The following MYO19 variants were observed in gnomAD, a reference collection of about 807,000 sequenced individuals.
MYO19 encodes myosin XIX.
A neutral mutation model predicts 129.2 loss-of-function variants in MYO19; 132 were observed. The observed-to-expected ratio is 1.02, with a 90% CI of 0.89 to 1.18. The LOEUF is 1.18. MYO19 is among the 50% of genes most tolerant of loss of function. The pLI is 0.00. For missense variants in MYO19, 1,210 were observed against 1,216.7 expected (o/e 0.99, Z 0.08); for synonymous variants, 531 against 477.2 (o/e 1.11, Z -1.47).
intron 3 of MYO19, among the ~76,000 whole-genome samples, chr17:36,532,181 C>T (rs143592885): frequency 6.6e-6 from 1 of 152,312 alleles, no homozygotes; most frequent in Non-Finnish European, 1.5e-5. Context: ...TAAGGCTTAG[C>T]TTCAAGGAAC....
intron 6 of MYO19, among the ~76,000 whole-genome samples, chr17:36,518,552 A>G (rs796129939): frequency 3.7e-4 from 29 of 78,922 alleles, no homozygotes; most frequent in East Asian, 3.2e-3. Context: ...ATATATATAT[A>G]TGTGTATGTG....
At chr17:36,521,762 G>T (rs1046561110) in intron 6 of MYO19, among the ~76,000 whole-genome samples, 1 of 152,218 alleles carries the variant, frequency 6.6e-6, no homozygotes, top group Non-Finnish European at 1.5e-5. Context: ...GCCAGGCACA[G>T]TGGCTCATAC....
chr17:36,498,394 C>T lies in MYO19; in HGVS notation c.2629G>A (p.Val877Ile), dbSNP rs760366831. The change falls in exon 25 of 26, where the codon GTA becomes ATA. Residue 877 changes from valine (V) to isoleucine (I), a missense_variant. By Grantham distance (29) the Val-to-Ile change is conservative (BLOSUM62 3). Transcript: ENST00000614623. ...ACTAATTTCCTCTGAAAGCTGCCTACACCCATAGCCGTATTGGCCAGGACC... is the reference window on the plus strand; with the variant it reads ...ACTAATTTCCTCTGAAAGCTGCCTATACCCATAGCCGTATTGGCCAGGACC... ...GLVLANTAMG[V>I]GSFQRKLVVW... 3.0e-5 allele frequency: 49 copies of T among 1,613,928 alleles called. No individual in the cohort carries two copies. Among genetic ancestry groups the T allele is most frequent in the Middle Eastern group, 1.6e-4 (1 of 6,084 alleles).
In MYO19 at chr17:36,496,410, G is replaced by A; in HGVS notation, c.2758-4C>T. ...TGCAGTGAAACTTTATCGATCCCTA[G>A]AGGGGAGAGAGAGATGCAGCTTTAG... On this transcript the variant is annotated splice_polypyrimidine_tract_variant and splice_region_variant and intron_variant, in intron 25 of 25. Coordinates refer to ENST00000614623, the MANE Select transcript of MYO19 (RefSeq NM_001163735.2). 2 of 1,613,838 alleles carry A rather than the reference G, an allele frequency of 1.2e-6. No homozygotes were observed. The highest frequency in any genetic ancestry group is 1.3e-5 in the African/African-American group (1 of 75,044).
chr17:36,527,505 G>A (rs763693541), intron 5 of MYO19, 46 bp downstream of exon 5: 32 of 1,591,918 alleles, frequency 2.0e-5, no homozygotes, highest in South Asian at 5.7e-5. Flanking sequence ...GAGGTTTAGC[G>A]GGAGGTAGAG....
intron 2 of MYO19, among the ~76,000 whole-genome samples, chr17:36,540,495 C>A (rs780859008): frequency 3.2e-4 from 48 of 151,944 alleles, no homozygotes; most frequent in Non-Finnish European, 6.0e-4. Context: ...CTCAGCCTCC[C>A]GAGGAGCTGG....
intron 6 of MYO19, among the ~76,000 whole-genome samples, chr17:36,522,336 C>T (rs1458181527): frequency 2.7e-5 from 4 of 150,420 alleles, no homozygotes; most frequent in South Asian, 2.1e-4. Context: ...GATGAAACTC[C>T]GTCTCTACTA....
At chr17:36,511,187 A>G in intron 12 of MYO19, 178 bp downstream of exon 12, 1 of 701,822 alleles carries the variant, frequency 1.4e-6, no homozygotes, top group South Asian at 1.8e-5. Context: ...GATGGGGACG[A>G]TACTGTCTGC....
At chr17:36,525,086 T>C in intron 6 of MYO19, 142 bp downstream of exon 6, 1 of 652,272 alleles carries the variant, frequency 1.5e-6, no homozygotes, top group Admixed American at 2.4e-5. Context: ...CCCACCATTG[T>C]GCACCAACCC....
At chr17:36,516,518 A>C (rs909960383) in intron 6 of MYO19, among the ~76,000 whole-genome samples, 5 of 152,034 alleles carry the variant, frequency 3.3e-5, no homozygotes, top group Admixed American at 2.6e-4. Flanking sequence ...TTACAGGCGC[A>C]CGCCACCACG....
Position 36,527,608 on chromosome 17 carries a change from A to T in MYO19, c.243T>A (p.Val81=), listed in dbSNP as rs1419618541. ...TTAGCTCGGGCGAGTAGAGCTGAGG[A>T]ACAGGCTTGAAGGGGTTCAAGGCTA... ...TLVALNPFKP[V]PQLYSPELMR... The change falls in exon 5 of 26, where the codon GTT becomes GTA. Residue 81 remains valine (V), a synonymous_variant. Transcript: ENST00000614623. 1.9e-6 allele frequency: 3 copies of T among 1,614,024 alleles called. No homozygotes were observed. The highest frequency in any genetic ancestry group is 2.5e-6 in the Non-Finnish European group (3 of 1,179,896).
At chr17:36,530,175 T>G (rs2073741971) in intron 3 of MYO19, among the ~76,000 whole-genome samples, 1 of 152,138 alleles carries the variant, frequency 6.6e-6, no homozygotes, top group Admixed American at 6.5e-5. Flanking sequence ...AGCTGGGCAT[T>G]ATGGCATGTG....
At chr17:36,542,150 A>C (rs1309189912) in exon 2 of MYO19, 1 of 152,210 alleles carries the variant, frequency 6.6e-6, no homozygotes, top group Admixed American at 6.5e-5. Flanking sequence ...AAAGATACTA[A>C]GTATGCCCGG....
chr17:36,524,647 C>T (rs1246094054), intron 6 of MYO19, among the ~76,000 whole-genome samples: 1 of 152,216 alleles, frequency 6.6e-6, no homozygotes, highest in Non-Finnish European at 1.5e-5. Context: ...GCCCTTGCCA[C>T]CATGCGCAAC....
At position 36,527,578 on chromosome 17, in the gene MYO19, T is replaced by C. The variant is rs2073553910; in HGVS notation, c.273A>G (p.Arg91=). The C allele has an allele frequency of 1.2e-6, 2 of 1,613,936 alleles. No homozygotes were observed. Among genetic ancestry groups the C allele is most frequent in the East Asian group, 4.5e-5 (2 of 44,870 alleles). The change falls in exon 5 of 26, where the codon AGA becomes AGG. Residue 91 remains arginine (R), a synonymous_variant. Transcript: ENST00000614623. ...GGGGCTGAGGCGCAGCATGGTACTC[T>C]CTCATTAGCTCGGGCGAGTAGAGCT... The part of the protein sequence containing the change: ...VPQLYSPELM[R]EYHAAPQPQK...
intron 5 of MYO19, among the ~76,000 whole-genome samples, chr17:36,527,187 T>G (rs1413694529): frequency 6.6e-6 from 1 of 151,104 alleles, no homozygotes; most frequent in African/African-American, 2.4e-5. Context: ...AATAAATAAA[T>G]AAATAATAAT....
At position 36,513,739 on chromosome 17, in the gene MYO19, T is replaced by C. The variant is rs751049186; in HGVS notation, c.721-14A>G. 20 of 1,610,630 alleles carry C rather than the reference T, an allele frequency of 1.2e-5. No individual in the cohort carries two copies. Among genetic ancestry groups the C allele is most frequent in the African/African-American group, 2.7e-5 (2 of 74,798 alleles). On this transcript the variant is annotated splice_polypyrimidine_tract_variant and intron_variant, in intron 9 of 25. Transcript: ENST00000614623. ...TCCTTTGCAAATCTGTGGAGAAGGG[T>C]AGGTGGGAGGCTGGGTAGGGGGTCT...
In MYO19 at chr17:36,496,033, AACT is replaced by A; in HGVS notation, c.*215_*217del. 1 of 782,914 alleles carries A rather than the reference AACT, an allele frequency of 1.3e-6. No individual in the cohort carries two copies. The highest frequency in any genetic ancestry group is 1.9e-6 in the Non-Finnish European group (1 of 528,010). The allele number at this position is 782,914 out of a possible 1,614,324, so 48.5% of individuals were successfully genotyped here. Reference sequence around the variant, plus strand: ...TGATGTTTCTTAACCCTGATTTGGTAACTACCAGCCCTGACACCATCAGTGCTT... The same window carrying A: ...TGATGTTTCTTAACCCTGATTTGGTAACCAGCCCTGACACCATCAGTGCTT... On this transcript the variant is annotated 3_prime_UTR_variant, in exon 26 of 26. Coordinates refer to ENST00000614623, the MANE Select transcript of MYO19 (RefSeq NM_001163735.2).
At chr17:36,544,412 C>T (rs543972711), upstream of MYO19, among the ~76,000 whole-genome samples, 1 of 152,176 alleles carries the variant, frequency 6.6e-6, no homozygotes, top group Non-Finnish European at 1.5e-5. Context: ...GGGCCAAGAG[C>T]CAGACCTGAG....
Sources: allele counts gnomAD v4.1 joint callset (sites outside exome capture counted in the v4.1 genomes callset), GRCh38; gene constraint gnomAD v4.1.1; transcripts MANE v1.5; gene names NCBI Gene and HGNC (gene_info 2026-07-23, HGNC 2026-07-21).